The following SPIRE1 variants were observed in gnomAD, a reference collection of about 807,000 sequenced individuals.
SPIRE1 encodes the protein protein spire homolog 1.
SPIRE1 carries 40 observed loss-of-function variants against 94.1 expected under a neutral mutation model. The ratio of observed to expected loss-of-function variants is 0.43; its 90% CI spans 0.33 to 0.55. SPIRE1 has a LOEUF of 0.55. Ranked by LOEUF, SPIRE1 falls within the 20% of genes least tolerant of loss-of-function variation. SPIRE1 has a pLI of 0.06. For missense variants in SPIRE1, 838 were observed against 975.2 expected, an observed-to-expected ratio of 0.86 and a Z score of 1.87; for synonymous variants, 376 against 371.7, an observed-to-expected ratio of 1.01 and a Z score of -0.13.
At chr18:12,506,253 G>A (rs984731649) in intron 6 of SPIRE1, among the ~76,000 whole-genome samples, 1 of 152,076 alleles carries the variant, frequency 6.6e-6, no homozygotes, top group Non-Finnish European at 1.5e-5. Flanking sequence ...CACCTCCTGG[G>A]TTCAAGCGAT....
At chr18:12,474,663 A>C (rs1290855696) in intron 10 of SPIRE1, among the ~76,000 whole-genome samples, 1 of 152,078 alleles carries the variant, frequency 6.6e-6, no homozygotes, top group African/African-American at 2.4e-5. Context: ...CTCTACTAAT[A>C]TTACAAAAAC....
At chr18:12,483,767 T>C (rs1378895429) in intron 9 of SPIRE1, among the ~76,000 whole-genome samples, 1 of 152,190 alleles carries the variant, frequency 6.6e-6, no homozygotes, top group Non-Finnish European at 1.5e-5. Flanking sequence ...AGTTTGTTCA[T>C]TTTCTAACTC....
intron 2 of SPIRE1, among the ~76,000 whole-genome samples, chr18:12,631,548 CAAAAAAAA>C (rs869278182): frequency 4.1e-4 from 26 of 63,792 alleles, no homozygotes; most frequent in East Asian, 3.5e-3. Context: ...CCCATCTCTA[CAAAAAAAA>C]AAAAAAAAAA....
intron 2 of SPIRE1, among the ~76,000 whole-genome samples, chr18:12,609,846 T>G (rs2037089509): frequency 6.6e-6 from 1 of 151,638 alleles, no homozygotes; most frequent in African/African-American, 2.4e-5. Flanking sequence ...CCCCACCTCT[T>G]GAGAGGCTTC....
intron 2 of SPIRE1, among the ~76,000 whole-genome samples, chr18:12,572,224 T>C (rs966380820): frequency 2.0e-5 from 3 of 152,164 alleles, no homozygotes; most frequent in Non-Finnish European, 4.4e-5. Flanking sequence ...CAGGGTCTCA[T>C]ACAGGCTATC....
intron 10 of SPIRE1, among the ~76,000 whole-genome samples, chr18:12,467,722 T>G (rs1598899482): frequency 6.6e-6 from 1 of 152,094 alleles, no homozygotes; most frequent in South Asian, 2.1e-4. Flanking sequence ...GAGGCTGAGG[T>G]GGGCGGATCA....
chr18:12,550,961 C>G (rs897872706), intron 2 of SPIRE1, among the ~76,000 whole-genome samples: 157 of 152,230 alleles, frequency 1.0e-3, no homozygotes, highest in African/African-American at 3.5e-3. Flanking sequence ...ATGCACTCTA[C>G]TTTCTTCCAA....
At chr18:12,546,972 T>C (rs2035192149) in intron 2 of SPIRE1, 68 bp from the exon 3 acceptor site, 2 of 1,062,598 alleles carry the variant, frequency 1.9e-6, no homozygotes, top group East Asian at 2.6e-5. Flanking sequence ...TTGTGAGGCA[T>C]AAGATGTTTA....
At chr18:12,575,369 T>G (rs28634564) in intron 2 of SPIRE1, among the ~76,000 whole-genome samples, 26,217 of 152,160 alleles carry the variant, frequency 0.17, 2,597 homozygotes, top group Middle Eastern at 0.24. Flanking sequence ...GAATATTTAT[T>G]TATTTATTTA....
rs1251869662 is a variant in SPIRE1 at position 12,449,222 on chromosome 18, G to A, written c.*416C>T. ...GTACACGGGATAGAAACACAGTCAC[G>A]TGGAAATGCCAATATGACTTACTGC... On this transcript the variant is annotated 3_prime_UTR_variant, in exon 17 of 17. Coordinates refer to ENST00000409402, the MANE Select transcript of SPIRE1 (RefSeq NM_001128626.2). 1.1e-5 allele frequency: 2 copies of A among 182,530 alleles called. No homozygotes were observed. Among genetic ancestry groups the A allele is most frequent in the Non-Finnish European group, 2.3e-5 (2 of 86,454 alleles). 11.3% of individuals were successfully genotyped at this position (182,530 alleles called of 1,614,324 possible).
intron 13 of SPIRE1, among the ~76,000 whole-genome samples, chr18:12,454,093 T>G (rs2031386747): frequency 6.6e-6 from 1 of 152,048 alleles, no homozygotes; most frequent in Non-Finnish European, 1.5e-5. Flanking sequence ...ACATGCATGG[T>G]TTTAGGAAGA....
intron 10 of SPIRE1, among the ~76,000 whole-genome samples, chr18:12,474,207 G>A (rs1167516805): frequency 6.6e-6 from 1 of 152,200 alleles, no homozygotes; most frequent in Admixed American, 6.5e-5. Context: ...TCTTCAAGGG[G>A]AAATTCTGGT....
At chr18:12,507,577 T>C (rs1445798318) in intron 5 of SPIRE1, among the ~76,000 whole-genome samples, 2 of 151,792 alleles carry the variant, frequency 1.3e-5, no homozygotes, top group Non-Finnish European at 2.9e-5. Context: ...TGTGCGCCTG[T>C]AATTGCAGCC....
chr18:12,506,638 G>T lies in SPIRE1; in HGVS notation c.811C>A (p.Arg271=). The change falls in exon 6 of 17, where the codon CGA becomes AGA. Residue 271 remains arginine, a synonymous_variant. Coordinates refer to ENST00000409402, the MANE Select transcript of SPIRE1 (RefSeq NM_001128626.2). ...TCCCTCATCACCTGTACCCAGAATCGTGCCTGAAAGAACCAAGGATAGAGA... is the reference window on the plus strand; with the variant it reads ...TCCCTCATCACCTGTACCCAGAATCTTGCCTGAAAGAACCAAGGATAGAGA... ...LEELKNADWA[R]FWVQVMRDLR... 2 of 1,613,834 alleles carry T rather than the reference G, an allele frequency of 1.2e-6. No homozygotes were observed. Among genetic ancestry groups the T allele is most frequent in the South Asian group, 1.1e-5 (1 of 91,016 alleles).
At chr18:12,521,293 T>C (rs2034350503) in intron 4 of SPIRE1, among the ~76,000 whole-genome samples, 1 of 152,190 alleles carries the variant, frequency 6.6e-6, no homozygotes, top group African/African-American at 2.4e-5. Flanking sequence ...TGTACAGGCA[T>C]ACCTCATTTT....
At chr18:12,501,072 CAAAAAAAAAAAAAA>C (rs67894900) in intron 6 of SPIRE1, among the ~76,000 whole-genome samples, 3 of 80,226 alleles carry the variant, frequency 3.7e-5, no homozygotes, top group Admixed American at 1.6e-4. Context: ...AACTCTGTCT[CAAAAAAAAAAAAAA>C]AAAAAAAAAG....
At chr18:12,595,059 C>T (rs2036633036) in intron 2 of SPIRE1, among the ~76,000 whole-genome samples, 1 of 152,220 alleles carries the variant, frequency 6.6e-6, no homozygotes, top group Admixed American at 6.5e-5. Context: ...GGGATAACTG[C>T]TTGAACCCAG....
At chr18:12,546,340 A>T (rs1000488737) in intron 3 of SPIRE1, among the ~76,000 whole-genome samples, 2 of 152,028 alleles carry the variant, frequency 1.3e-5, no homozygotes, top group African/African-American at 4.8e-5. Flanking sequence ...TCAATTTTTT[A>T]AAAAATAACA....
intron 2 of SPIRE1, among the ~76,000 whole-genome samples, chr18:12,619,412 G>T (rs1198414408): frequency 6.6e-6 from 1 of 152,090 alleles, no homozygotes; most frequent in East Asian, 1.9e-4. Flanking sequence ...GGAGGCTGAG[G>T]CAGGAGAATG....
Sources: allele counts gnomAD v4.1 joint callset (sites outside exome capture counted in the v4.1 genomes callset), GRCh38; gene constraint gnomAD v4.1.1; transcripts MANE v1.5; gene names NCBI Gene and HGNC (gene_info 2026-07-23, HGNC 2026-07-21).